GAS7: variants seen among roughly 807,000 people sequenced by gnomAD.
The protein encoded by GAS7 is growth arrest specific 7.
A neutral mutation model predicts 71.1 loss-of-function variants in GAS7; 28 were observed. The ratio of observed to expected loss-of-function variants is 0.39; its 90% CI spans 0.29 to 0.54. The LOEUF (loss-of-function observed/expected upper bound fraction) is 0.54. GAS7 is among the 20% of genes least tolerant of loss of function. GAS7 has a pLI of 0.62. For synonymous variants in GAS7, 258 were observed against 245.8 expected (o/e 1.05, Z -0.46); for missense variants, 436 against 627.8 (o/e 0.69, Z 3.27).
At chr17:10,044,370 G>C (rs1356397721) in intron 1 of GAS7, among the ~76,000 whole-genome samples, 2 of 152,224 alleles carry the variant, frequency 1.3e-5, no homozygotes, top group African/African-American at 2.4e-5. Flanking sequence ...GGGTGGCCAT[G>C]AAGTTACTAC....
intron 1 of GAS7, among the ~76,000 whole-genome samples, chr17:10,110,697 C>A (rs527910631): frequency 6.6e-6 from 1 of 152,162 alleles, no homozygotes; most frequent in Non-Finnish European, 1.5e-5. Context: ...GTCTCGAACT[C>A]CTGACCTCAA....
chr17:10,011,461 C>G (rs945028656), intron 2 of GAS7, among the ~76,000 whole-genome samples: 1 of 152,140 alleles, frequency 6.6e-6, no homozygotes, highest in Non-Finnish European at 1.5e-5. Context: ...GGCTACGGCT[C>G]CTCCTTGCAG....
intron 1 of GAS7, among the ~76,000 whole-genome samples, chr17:10,131,796 T>G (rs113764318): frequency 5.6e-4 from 85 of 152,118 alleles, no homozygotes; most frequent in African/African-American, 1.9e-3. Flanking sequence ...CATGTACTCA[T>G]GAATACATAA....
At chr17:9,940,234 C>G (rs1291526666) in intron 7 of GAS7, 34 bp from the exon 8 acceptor site, 1 of 1,559,764 alleles carries the variant, frequency 6.4e-7, no homozygotes, top group Non-Finnish European at 8.8e-7. Flanking sequence ...CACATCAGCT[C>G]TCCAGTGCCA....
chr17:9,944,206 G>A (rs766698449), intron 6 of GAS7, among the ~76,000 whole-genome samples: 107 of 152,294 alleles, frequency 7.0e-4, no homozygotes, highest in Non-Finnish European at 1.1e-3. Context: ...CCGCACGGCC[G>A]TGGCTGCTGG....
intron 2 of GAS7, among the ~76,000 whole-genome samples, chr17:10,005,453 C>T (rs181195236): frequency 3.3e-5 from 5 of 151,798 alleles, no homozygotes; most frequent in Admixed American, 2.6e-4. Flanking sequence ...AACTCAGACA[C>T]CCACAGAACT....
At chr17:10,181,264 G>T (rs1185397719) in intron 1 of GAS7, among the ~76,000 whole-genome samples, 1 of 152,144 alleles carries the variant, frequency 6.6e-6, no homozygotes, top group Non-Finnish European at 1.5e-5. Flanking sequence ...GGAGGCTGAG[G>T]CAGGGGAATC....
chr17:10,055,409 G>T (rs898110516), intron 1 of GAS7, among the ~76,000 whole-genome samples: 6 of 152,200 alleles, frequency 3.9e-5, no homozygotes, highest in Admixed American at 1.3e-4. Context: ...CACAGAAGCT[G>T]TCCCCTGGCG....
In GAS7 at chr17:10,156,873, C is replaced by A. The variant is rs143763278; in HGVS notation, c.183+41335G>T. Among the ~76,000 whole-genome samples the A allele has an allele frequency of 8.5e-4, 130 of 152,180 alleles. 1 individual carries two copies. The highest frequency in any genetic ancestry group is 3.0e-3 in the African/African-American group (126 of 41,510). ...CTCTATAAACAGCCCCTCCTTCAAA[C>A]TCCCCACTGCCTTCCCAATCAAGAT... is the stretch of plus-strand genomic sequence containing the variant. On this transcript the variant is annotated intron_variant, in intron 1 of 13. Transcript: ENST00000432992.
At position 9,910,884 on chromosome 17, in the gene GAS7, C is replaced by T. The variant is rs556637442; in HGVS notation, c.*6344G>A. 5.2e-5 allele frequency: 12 copies of T among 229,270 alleles called. No homozygotes were observed. The highest frequency in any genetic ancestry group is 1.8e-4 in the African/African-American group (8 of 45,122). The allele number at this position is 229,270 out of a possible 1,614,324, so 14.2% of individuals were successfully genotyped here. A position where few individuals can be genotyped will look rare whatever the true frequency, so the allele number is the denominator to read the frequency against. On this transcript the variant is annotated 3_prime_UTR_variant, in exon 14 of 14. Coordinates refer to ENST00000432992, the MANE Select transcript of GAS7 (RefSeq NM_201433.2). ...ACAATGTGGAGGAAACACATTCATA[C>T]CGGGGTGAGGAGTGCTGGCGGGAGA...
At chr17:10,175,451 C>T (rs77134702) in intron 1 of GAS7, among the ~76,000 whole-genome samples, 12,165 of 151,962 alleles carry the variant, frequency 0.08, 567 homozygotes, top group Admixed American at 0.17. Context: ...GCTTGTAAGG[C>T]TTCTCCCCAC....
intron 1 of GAS7, among the ~76,000 whole-genome samples, chr17:10,190,476 A>G (rs1199892481): frequency 6.6e-6 from 1 of 151,636 alleles, no homozygotes; most frequent in Non-Finnish European, 1.5e-5. Flanking sequence ...GCTACTCAGG[A>G]GGCTGAGGCA....
chr17:9,911,042 G>A lies in GAS7; in HGVS notation c.*6186C>T, dbSNP rs2067422673. The A allele has an allele frequency of 4.3e-6, 1 of 233,106 alleles. No individual in the cohort carries two copies. Among genetic ancestry groups the A allele is most frequent in the Non-Finnish European group, 8.5e-6 (1 of 117,896 alleles). 14.4% of individuals were successfully genotyped at this position (233,106 alleles called of 1,614,324 possible). ...GCCGATGTGCTCGTGTCTGTGAAGG[G>A]GTTGCTTCCGGTCATCTCCTTCCTA... On this transcript the variant is annotated 3_prime_UTR_variant, in exon 14 of 14. Transcript: ENST00000432992. This position sits in a 1 kb window ranked among gnomAD's most constrained non-coding sequence, Gnocchi z 4.0.
At chr17:9,927,286 T>TAC (rs1471466286) in intron 9 of GAS7, among the ~76,000 whole-genome samples, 309 of 68,708 alleles carry the variant, frequency 4.5e-3, no homozygotes, top group African/African-American at 6.2e-3. Context: ...CCATCTCTAC[T>TAC]ACATACACAC....
intron 1 of GAS7, among the ~76,000 whole-genome samples, chr17:10,102,243 A>G (rs2073709572): frequency 7.1e-6 from 1 of 140,472 alleles, no homozygotes; most frequent in South Asian, 2.3e-4. Context: ...AATCTTCCCC[A>G]TTGTTGACCA....
rs571218082 is a variant in GAS7 at position 9,998,343 on chromosome 17, G to GT, written c.305-16460dup. Among the ~76,000 whole-genome samples, 3 of 152,324 alleles carry GT rather than the reference G, an allele frequency of 2.0e-5. No individual in the cohort carries two copies. The East Asian group carries it at 5.8e-4, about 29-fold the overall frequency. ...CAGTTTGGATACACATGCTATGGGC[G>GT]TGACTACTTGGCTACTGCTACTGGA... On this transcript the variant is annotated intron_variant, in intron 2 of 13. Transcript: ENST00000432992.
At chr17:10,050,201 C>T (rs1386902764) in intron 1 of GAS7, among the ~76,000 whole-genome samples, 2 of 152,114 alleles carry the variant, frequency 1.3e-5, no homozygotes, top group East Asian at 3.9e-4. Context: ...TATCCCATCA[C>T]ATTTGACATC....
chr17:9,913,640 C>G lies in GAS7; in HGVS notation c.*3588G>C, dbSNP rs1163226928. ...CACCGCAGAAATTCTCCTTGGCCAA[C>G]AGGGTGCTGAGTGGAGGTAGAAAGG... On this transcript the variant is annotated 3_prime_UTR_variant, in exon 14 of 14. Transcript: ENST00000432992. 3 of 230,806 alleles carry G rather than the reference C, an allele frequency of 1.3e-5. No individual in the cohort carries two copies. Among genetic ancestry groups the G allele is most frequent in the Non-Finnish European group, 2.6e-5 (3 of 116,568 alleles). The allele number at this position is 230,806 out of a possible 1,614,324, so 14.3% of individuals were successfully genotyped here.
intron 1 of GAS7, among the ~76,000 whole-genome samples, chr17:10,163,001 T>C (rs567012221): frequency 7.8e-4 from 119 of 152,310 alleles, no homozygotes; most frequent in South Asian, 3.3e-3. Flanking sequence ...AATTTTGTTA[T>C]ATGTGATTTA....
Sources: allele counts gnomAD v4.1 joint callset (sites outside exome capture counted in the v4.1 genomes callset), GRCh38; gene constraint gnomAD v4.1.1; non-coding constraint Gnocchi (gnomAD v3.1); transcripts MANE v1.5; gene names NCBI Gene and HGNC (gene_info 2026-07-23, HGNC 2026-07-21).